Variants in CEP83 observed in about 807,000 individuals in gnomAD.
The protein encoded by CEP83 is centrosomal protein of 83 kDa.
CEP83 carries 70 observed loss-of-function variants against 101.9 expected under a neutral mutation model. The observed-to-expected ratio is 0.69, with a 90% CI of 0.57 to 0.84. CEP83 has a LOEUF of 0.84. Among genes scored for constraint, CEP83 ranks in the 40% least tolerant of loss-of-function variants. CEP83 has a pLI of 0.00. For missense variants in CEP83, 715 were observed against 787.2 expected, an observed-to-expected ratio of 0.91 and a Z score of 1.10; for synonymous variants, 264 against 267.9, an observed-to-expected ratio of 0.99 and a Z score of 0.14.
intron 6 of CEP83, among the ~76,000 whole-genome samples, chr12:94,399,440 T>C (rs547360724): frequency 6.6e-6 from 1 of 152,332 alleles, no homozygotes; most frequent in South Asian, 2.1e-4. Context: ...CTGGGCACGA[T>C]AGTCTATGCC....
intron 11 of CEP83, among the ~76,000 whole-genome samples, chr12:94,359,139 G>A (rs1450519025): frequency 6.6e-6 from 1 of 152,192 alleles, no homozygotes; most frequent in East Asian, 1.9e-4. Flanking sequence ...GCTAATGACT[G>A]GTTTGCTGTT....
At chr12:94,302,736 A>C (rs1968587924), downstream of CEP83, among the ~76,000 whole-genome samples, 1 of 152,104 alleles carries the variant, frequency 6.6e-6, no homozygotes, top group Non-Finnish European at 1.5e-5. Flanking sequence ...GATTTGTCCA[A>C]CTCTTTCTGT....
At chr12:94,453,218 C>G (rs1262743282) in intron 1 of CEP83, among the ~76,000 whole-genome samples, 1 of 152,212 alleles carries the variant, frequency 6.6e-6, no homozygotes, top group African/African-American at 2.4e-5. Flanking sequence ...TGATTCTACA[C>G]AACTCTCACT....
rs1033824111 is a variant in CEP83 at position 94,372,867 on chromosome 12, C to T, written c.934-2831G>A. Among the ~76,000 whole-genome samples, 3 of 152,162 alleles carry T rather than the reference C, an allele frequency of 2.0e-5. No homozygotes were observed. In the East Asian group the frequency reaches 5.8e-4, roughly 29 times the overall value. On this transcript the variant is annotated intron_variant, in intron 8 of 16. Coordinates refer to ENST00000397809, the MANE Select transcript of CEP83 (RefSeq NM_016122.3). ...ACTCATTTATGGATCTAAAGTTTTT[C>T]TTTATTGCCTTATTTCTATTATCCT...
intron 6 of CEP83, among the ~76,000 whole-genome samples, chr12:94,389,655 G>C (rs998840539): frequency 1.3e-5 from 2 of 152,202 alleles, no homozygotes; most frequent in African/African-American, 4.8e-5. Context: ...GTGAGCTGAA[G>C]CAGGGCGGGG....
chr12:94,385,948 G>A (rs1210946354), intron 6 of CEP83, among the ~76,000 whole-genome samples: 1 of 152,168 alleles, frequency 6.6e-6, no homozygotes, highest in African/African-American at 2.4e-5. Flanking sequence ...TCAGTACAGT[G>A]ATATGCTTTA....
downstream of CEP83, among the ~76,000 whole-genome samples, chr12:94,304,844 A>C (rs1366874275): frequency 6.6e-6 from 1 of 152,230 alleles, no homozygotes; most frequent in African/African-American, 2.4e-5. Flanking sequence ...GCTGCATTTA[A>C]GGAGAAATAC....
the CEP83 span, among the ~76,000 whole-genome samples, chr12:94,267,671 G>A: frequency 2.0e-5 from 3 of 152,146 alleles, no homozygotes; most frequent in African/African-American, 7.2e-5. Flanking sequence ...CCCTTTCATG[G>A]TTGGCAGTTG....
chr12:94,360,101 A>C (rs1330129022), intron 11 of CEP83, among the ~76,000 whole-genome samples: 3 of 152,224 alleles, frequency 2.0e-5, no homozygotes, highest in Non-Finnish European at 4.4e-5. Context: ...CTTTAAAAAA[A>C]ATTAGGTATA....
chr12:94,267,411 CTCA>C, the CEP83 span, among the ~76,000 whole-genome samples: 6 of 152,200 alleles, frequency 3.9e-5, no homozygotes, highest in African/African-American at 1.4e-4. Flanking sequence ...TAACACTCGA[CTCA>C]TCATCATAAT....
chr12:94,336,859 C>G (rs1055731147), intron 11 of CEP83, among the ~76,000 whole-genome samples: 5 of 151,066 alleles, frequency 3.3e-5, no homozygotes, highest in Admixed American at 6.6e-5. Flanking sequence ...GAGATGTGGT[C>G]TCACTATATT....
At chr12:94,407,106 A>G (rs1006659691) in intron 4 of CEP83, among the ~76,000 whole-genome samples, 1 of 152,172 alleles carries the variant, frequency 6.6e-6, no homozygotes, top group Non-Finnish European at 1.5e-5. Context: ...AAAATACTAA[A>G]AATAAATTAA....
intron 1 of CEP83, among the ~76,000 whole-genome samples, chr12:94,457,614 G>A (rs879352079): frequency 1.1e-4 from 17 of 152,254 alleles, no homozygotes; most frequent in Admixed American, 3.9e-4. Context: ...TAGAAAAAAG[G>A]AGGAGAGAAC....
chr12:94,273,538 A>G, the CEP83 span, among the ~76,000 whole-genome samples: 3 of 152,222 alleles, frequency 2.0e-5, no homozygotes, highest in Admixed American at 6.5e-5. Flanking sequence ...TCTCTGTTTG[A>G]AAACCCCCTG....
At chr12:94,391,706 C>A (rs2062548437) in intron 6 of CEP83, among the ~76,000 whole-genome samples, 1 of 151,854 alleles carries the variant, frequency 6.6e-6, no homozygotes, top group Non-Finnish European at 1.5e-5. Flanking sequence ...GAGTCAAGAC[C>A]CATCAGTGTG....
At chr12:94,393,536 A>C (rs1296485724) in intron 6 of CEP83, among the ~76,000 whole-genome samples, 1 of 152,208 alleles carries the variant, frequency 6.6e-6, no homozygotes, top group Admixed American at 6.5e-5. Flanking sequence ...ATGGGCAAAA[A>C]CTGGAAGCAT....
chr12:94,418,948 CT>C (rs1189684679), intron 2 of CEP83, among the ~76,000 whole-genome samples: 1 of 151,832 alleles, frequency 6.6e-6, no homozygotes, highest in African/African-American at 2.4e-5. Flanking sequence ...CTTAAAACAT[CT>C]TTTTCTGAGA....
chr12:94,291,494 G>C, the CEP83 span, among the ~76,000 whole-genome samples: 3 of 152,292 alleles, frequency 2.0e-5, no homozygotes, highest in African/African-American at 7.2e-5. Flanking sequence ...GCTTCCCAAA[G>C]AGCTGGGATT....
At chr12:94,436,176 G>A (rs2065969785) in intron 1 of CEP83, among the ~76,000 whole-genome samples, 1 of 152,082 alleles carries the variant, frequency 6.6e-6, no homozygotes, top group African/African-American at 2.4e-5. Context: ...AACGAAGTTT[G>A]ATAACACCCC....
Sources: gnomAD v4.1 joint callset for allele counts (sites outside exome capture counted in the v4.1 genomes callset) on GRCh38, gnomAD v4.1.1 for gene constraint, MANE v1.5 for transcripts, NCBI Gene and HGNC (gene_info 2026-07-23, HGNC 2026-07-21) for gene names.